Variants in GPATCH8 observed in about 807,000 individuals in gnomAD.
GPATCH8 encodes G patch domain-containing protein 8.
GPATCH8 carries 18 observed loss-of-function variants against 118.3 expected under a neutral mutation model. That is an observed-to-expected ratio of 0.15 (90% CI 0.11 to 0.23). The LOEUF is 0.23. Ranked by LOEUF, GPATCH8 falls within the 10% of genes least tolerant of loss-of-function variation. The pLI is 1.00. For missense variants in GPATCH8, 1,631 were observed against 1,873.8 expected, an observed-to-expected ratio of 0.87 and a Z score of 2.39; for synonymous variants, 659 against 684.7, an observed-to-expected ratio of 0.96 and a Z score of 0.59.
chr17:44,488,223 C>CTTTTTTTT (rs927607960), intron 1 of GPATCH8, among the ~76,000 whole-genome samples: 1 of 101,362 alleles, frequency 9.9e-6, no homozygotes. Context: ...GTGCCTGACC[C>CTTTTTTTT]TTTTTTTTTT....
chr17:44,446,012 T>C (rs2050865305), intron 3 of GPATCH8: 1 of 152,104 alleles, frequency 6.6e-6, no homozygotes, highest in African/African-American at 2.4e-5. Flanking sequence ...TCATCATAGT[T>C]TACTGTAACA....
chr17:44,479,343 C>CA (rs1968027204), intron 1 of GPATCH8, among the ~76,000 whole-genome samples: 1 of 152,214 alleles, frequency 6.6e-6, no homozygotes, highest in Non-Finnish European at 1.5e-5. Flanking sequence ...AGACATTTAA[C>CA]AAATTTCTAA....
intron 7 of GPATCH8, among the ~76,000 whole-genome samples, chr17:44,405,231 G>A (rs556231246): frequency 4.1e-5 from 6 of 146,436 alleles, no homozygotes; most frequent in African/African-American, 5.0e-5. Flanking sequence ...TTTTTGAGAC[G>A]GAGTTTCACT....
At chr17:44,424,553 G>T in intron 5 of GPATCH8, 61 bp from the exon 6 acceptor site, 1 of 1,231,748 alleles carries the variant, frequency 8.1e-7, no homozygotes, top group Non-Finnish European at 1.2e-6. Flanking sequence ...TTAAGTGAAT[G>T]TTATAGAGAA....
intron 1 of GPATCH8, among the ~76,000 whole-genome samples, chr17:44,494,288 C>T (rs1482647120): frequency 6.6e-6 from 1 of 152,054 alleles, no homozygotes; most frequent in African/African-American, 2.4e-5. Flanking sequence ...ATCTCCTTAC[C>T]ACGCTTAAAA....
chr17:44,418,744 C>A (rs1455317953), intron 6 of GPATCH8, among the ~76,000 whole-genome samples: 2 of 152,170 alleles, frequency 1.3e-5, no homozygotes, highest in Non-Finnish European at 2.9e-5. Context: ...AGCCACCGCG[C>A]CCGGCTAGTC....
chr17:44,404,805 A>C (rs1268643545), intron 7 of GPATCH8, among the ~76,000 whole-genome samples: 1 of 152,180 alleles, frequency 6.6e-6, no homozygotes, highest in Non-Finnish European at 1.5e-5. Flanking sequence ...AAGTAAAGTA[A>C]CCCAGGAACA....
At chr17:44,417,101 G>A (rs2049715062) in intron 6 of GPATCH8, among the ~76,000 whole-genome samples, 1 of 151,622 alleles carries the variant, frequency 6.6e-6, no homozygotes, top group Non-Finnish European at 1.5e-5. Flanking sequence ...GCACAATCTT[G>A]GCTCACTGCA....
chr17:44,488,438 G>A (rs980646695), intron 1 of GPATCH8, among the ~76,000 whole-genome samples: 4 of 149,030 alleles, frequency 2.7e-5, no homozygotes, highest in South Asian at 4.3e-4. Flanking sequence ...GCATGATCTC[G>A]GCTCACTGCA....
rs368657152 is a variant in GPATCH8 at position 44,501,430 on chromosome 17, A to T, written c.45+1896T>A. On this transcript the variant is annotated intron_variant, in intron 1 of 7. Transcript: ENST00000591680. Reference sequence around the variant, plus strand: ...AGACTCCATTTCAAAAAAAAAAAAAATTTTTCCTGGCTGACCCAATTTAAC... The same window carrying T: ...AGACTCCATTTCAAAAAAAAAAAAATTTTTTCCTGGCTGACCCAATTTAAC... Among the ~76,000 whole-genome samples the T allele has an allele frequency of 6.7e-3, 853 of 127,110 alleles. 13 individuals are homozygous for T. The highest frequency in any genetic ancestry group is 0.024 in the African/African-American group (817 of 34,032). The allele number at this position is 127,110 out of a possible 152,430, so 83.4% of individuals were successfully genotyped here.
rs1052164970 is a variant in GPATCH8, at chr17:44,397,365, G to A, written c.*203C>T. On this transcript the variant is annotated 3_prime_UTR_variant, in exon 8 of 8. Transcript: ENST00000591680. ...AGAAGAGGGAGGGACAAATTGAGAG[G>A]AGGACAGGAAAAAGAAATCCCTGAT... 3.8e-5 allele frequency: 26 copies of A among 689,768 alleles called. 1 individual carries two copies. Among genetic ancestry groups the A allele is most frequent in the Non-Finnish European group, 6.9e-5 (26 of 378,198 alleles). 42.7% of individuals were successfully genotyped at this position (689,768 alleles called of 1,614,324 possible).
At chr17:44,404,579 G>GT (rs1451963294) in intron 7 of GPATCH8, among the ~76,000 whole-genome samples, 10 of 152,112 alleles carry the variant, frequency 6.6e-5, no homozygotes, top group Admixed American at 2.0e-4. Flanking sequence ...CACAACAACT[G>GT]TAAGTTGTTC....
At chr17:44,476,853 G>C (rs1425050259) in intron 1 of GPATCH8, among the ~76,000 whole-genome samples, 2 of 152,206 alleles carry the variant, frequency 1.3e-5, no homozygotes, top group Non-Finnish European at 2.9e-5. Flanking sequence ...AGACAACTAA[G>C]AAGTTATCTC....
intron 3 of GPATCH8, among the ~76,000 whole-genome samples, chr17:44,450,481 C>T (rs755157324): frequency 1.3e-5 from 2 of 152,118 alleles, no homozygotes; most frequent in South Asian, 4.1e-4. Flanking sequence ...CCTTTTGAAC[C>T]AAATGGGATT....
intron 1 of GPATCH8, among the ~76,000 whole-genome samples, chr17:44,487,059 T>A (rs1490064946): frequency 3.9e-5 from 6 of 152,220 alleles, no homozygotes; most frequent in Admixed American, 2.6e-4. Context: ...TGTAGTTCTA[T>A]GAGTTTTGAC....
Position 44,399,822 on chromosome 17 carries a change from T to C in GPATCH8, c.2255A>G (p.Asp752Gly). The C allele has an allele frequency of 6.2e-7, 1 of 1,613,574 alleles. No homozygotes were observed. Among genetic ancestry groups the C allele is most frequent in the East Asian group, 2.2e-5 (1 of 44,840 alleles). ...TGGGAGGGATCTCCGCTGGGAGTCA[T>C]CTTGAGCTCTCCGCCTTCTTCTTGG... ...APPRRRRRAQ[D>G]DSQRRSLPAE... The change falls in exon 8 of 8, where the codon GAT becomes GGT. Residue 752 changes from aspartate to glycine, a missense_variant. Physicochemically the swap from Asp to Gly is moderately conservative, Grantham distance 94. This residue lies in a region of GPATCH8 where 922 missense variants were observed against 879.7 expected (regional missense o/e 1.05). Transcript: ENST00000591680.
intron 1 of GPATCH8, among the ~76,000 whole-genome samples, chr17:44,483,204 T>C (rs866616500): frequency 6.5e-5 from 5 of 76,772 alleles, no homozygotes; most frequent in African/African-American, 2.5e-4. Context: ...TATATATATA[T>C]ATATATATAT....
chr17:44,481,637 G>A (rs1295085819), intron 1 of GPATCH8, among the ~76,000 whole-genome samples: 2 of 152,122 alleles, frequency 1.3e-5, no homozygotes, highest in African/African-American at 2.4e-5. Context: ...TGGTGCTGAT[G>A]AACTGTACAT....
In GPATCH8 at chr17:44,399,908, G is replaced by A. The variant is rs1465751060; in HGVS notation, c.2169C>T (p.Ala723=). The change falls in exon 8 of 8, where the codon GCC becomes GCT. Residue 723 remains alanine, a synonymous_variant. Coordinates refer to ENST00000591680, the MANE Select transcript of GPATCH8 (RefSeq NM_001002909.4). ...TGGGTCCTCGTTCAGAATCTGCTGG[G>A]GCTGATGACTTATTCTTCTTTCGTT... is the stretch of plus-strand genomic sequence containing the variant. ...KRKRKKNKSS[A]PADSERGPKP... 1.2e-6 allele frequency: 2 copies of A among 1,613,670 alleles called. No homozygotes were observed. The highest frequency in any genetic ancestry group is 1.7e-6 in the Non-Finnish European group (2 of 1,179,916).
Sources: allele counts gnomAD v4.1 joint callset (sites outside exome capture counted in the v4.1 genomes callset), GRCh38; gene constraint gnomAD v4.1.1; regional missense constraint gnomAD v4.1.1; transcripts MANE v1.5; gene names NCBI Gene and HGNC (gene_info 2026-07-23, HGNC 2026-07-21).